ZNF536: variants seen among roughly 807,000 people sequenced by gnomAD.
ZNF536 encodes zinc finger protein 536.
A neutral mutation model predicts 84.5 loss-of-function variants in ZNF536; 13 were observed. The ratio of observed to expected loss-of-function variants is 0.15; its 90% CI spans 0.10 to 0.24. ZNF536 has a LOEUF of 0.24. Among genes scored for constraint, ZNF536 ranks in the 10% least tolerant of loss-of-function variants. ZNF536 has a pLI of 1.00. For missense variants in ZNF536, 1,536 were observed against 1,747.5 expected (o/e 0.88, Z 2.16); for synonymous variants, 811 against 742.5 (o/e 1.09, Z -1.50).
chr19:30,420,315 A>G, intron 1 of ZNF536, among the ~76,000 whole-genome samples: 1 of 152,212 alleles, frequency 6.6e-6, no homozygotes, highest in East Asian at 1.9e-4. Flanking sequence ...GGAAGACCCC[A>G]CAAGACCAAC....
intron 2 of ZNF536, among the ~76,000 whole-genome samples, chr19:30,296,752 C>A (rs891488611): frequency 3.3e-5 from 5 of 152,154 alleles, no homozygotes; most frequent in Non-Finnish European, 4.4e-5. Flanking sequence ...GCAGAGGCTG[C>A]GAGCCTTCTG....
chr19:30,293,120 G>A (rs1261495649), intron 2 of ZNF536, among the ~76,000 whole-genome samples: 2 of 152,090 alleles, frequency 1.3e-5, no homozygotes, highest in Non-Finnish European at 2.9e-5. Context: ...GTAAAGATCT[G>A]CTCTCCCATC....
intron 2 of ZNF536, among the ~76,000 whole-genome samples, chr19:30,502,363 C>T (rs773398223): frequency 1.3e-5 from 2 of 152,084 alleles, no homozygotes; most frequent in Non-Finnish European, 2.9e-5. Context: ...TTTTAGCTAG[C>T]TAGCACCAGG....
intron 2 of ZNF536, among the ~76,000 whole-genome samples, chr19:30,516,026 C>CAAAAAAAAAAAA (rs553504551): frequency 1.3e-5 from 1 of 75,612 alleles, no homozygotes; most frequent in Non-Finnish European, 2.7e-5. Context: ...GACTCCATCT[C>CAAAAAAAAAAAA]AAAAAAAAAA....
chr19:30,321,922 G>A (rs1047122920), intron 2 of ZNF536, among the ~76,000 whole-genome samples: 1 of 151,746 alleles, frequency 6.6e-6, no homozygotes. Flanking sequence ...AATTATAGGC[G>A]TGCACCACCA....
chr19:30,617,274 T>C (rs547897257), intron 1 of ZNF536, among the ~76,000 whole-genome samples: 1 of 137,804 alleles, frequency 7.3e-6, no homozygotes, highest in African/African-American at 2.6e-5. Context: ...CTTTCATCCC[T>C]CACTCCCCTC....
chr19:30,703,405 AACTTAGCCCTACCTTCTAAATGG>A (rs2052080930), intron 1 of ZNF536, among the ~76,000 whole-genome samples: 1 of 152,126 alleles, frequency 6.6e-6, no homozygotes, highest in South Asian at 2.1e-4. Flanking sequence ...GCCCCCAGCC[AACTTAGCCCTACCTTCTAAATGG>A]GGAGTTCCTT....
chr19:30,596,075 C>T (rs1010750168), intron 1 of ZNF536, among the ~76,000 whole-genome samples: 31 of 152,248 alleles, frequency 2.0e-4, no homozygotes, highest in African/African-American at 7.5e-4. Flanking sequence ...CCACCAGGGC[C>T]AAAGCAAAGA....
chr19:30,673,288 A>G (rs2050629094), intron 1 of ZNF536, among the ~76,000 whole-genome samples: 1 of 152,130 alleles, frequency 6.6e-6, no homozygotes, highest in Admixed American at 6.5e-5. Context: ...AGGGGCACAC[A>G]TGACATCACT....
intron 1 of ZNF536, among the ~76,000 whole-genome samples, chr19:30,647,389 G>A (rs939744748): frequency 3.3e-5 from 5 of 152,106 alleles, no homozygotes; most frequent in African/African-American, 7.2e-5. Context: ...TTTGCTAACC[G>A]TTCCCCTGTT....
intron 1 of ZNF536, among the ~76,000 whole-genome samples, chr19:30,635,386 ATTAAC>A (rs1055860986): frequency 2.3e-4 from 35 of 152,198 alleles, no homozygotes; most frequent in African/African-American, 7.5e-4. Flanking sequence ...TGTGTTTATT[ATTAAC>A]TTAACAAAGA....
intron 1 of ZNF536, among the ~76,000 whole-genome samples, chr19:30,234,607 A>T (rs1247013743): frequency 1.3e-5 from 2 of 151,736 alleles, no homozygotes; most frequent in Non-Finnish European, 2.9e-5. Context: ...TCACCATGTT[A>T]GCCAGGCTGG....
intron 1 of ZNF536, among the ~76,000 whole-genome samples, chr19:30,565,195 G>A (rs1183451924): frequency 6.7e-6 from 1 of 148,538 alleles, no homozygotes; most frequent in Non-Finnish European, 1.5e-5. Context: ...ACTTATCAGA[G>A]AGCTTCTTCT....
intron 2 of ZNF536, among the ~76,000 whole-genome samples, chr19:30,448,047 C>T (rs1008597323): frequency 1.2e-4 from 18 of 152,192 alleles, no homozygotes; most frequent in Admixed American, 1.0e-3. Flanking sequence ...AAGAACCAAC[C>T]GTGCTCATGA....
At chr19:30,304,020 G>C (rs369115322) in intron 2 of ZNF536, among the ~76,000 whole-genome samples, 2 of 152,110 alleles carry the variant, frequency 1.3e-5, no homozygotes, top group African/African-American at 2.4e-5. Context: ...GGTAGGCAGC[G>C]GTCTCCTCTC....
At chr19:30,266,843 AACAC>A (rs999498170) in intron 1 of ZNF536, among the ~76,000 whole-genome samples, 35 of 152,180 alleles carry the variant, frequency 2.3e-4, no homozygotes, top group Non-Finnish European at 4.6e-4. Flanking sequence ...ATCATATTTT[AACAC>A]ACACACACGC....
chr19:30,561,025 A>T (rs1017868501), downstream of ZNF536, among the ~76,000 whole-genome samples: 1 of 152,186 alleles, frequency 6.6e-6, no homozygotes, highest in South Asian at 2.1e-4. Context: ...TTTGTCTTTC[A>T]TGTTCTTTGT....
At chr19:30,467,930 C>T (rs2053482769) in intron 2 of ZNF536, among the ~76,000 whole-genome samples, 1 of 152,352 alleles carries the variant, frequency 6.6e-6, no homozygotes, top group African/African-American at 2.4e-5. Flanking sequence ...ACAGCCCTGG[C>T]CGCACAGCGG....
chr19:30,706,380 A>T (rs1346209164), intron 1 of ZNF536, among the ~76,000 whole-genome samples: 1 of 151,926 alleles, frequency 6.6e-6, no homozygotes, highest in African/African-American at 2.4e-5. Flanking sequence ...CCAGCTACTC[A>T]GGAGGCTGAG....
Sources: allele counts gnomAD v4.1 joint callset (sites outside exome capture counted in the v4.1 genomes callset), GRCh38; gene constraint gnomAD v4.1.1; transcripts MANE v1.5; gene names NCBI Gene and HGNC (gene_info 2026-07-23, HGNC 2026-07-21).